ABCC2: variants seen among roughly 807,000 people sequenced by gnomAD.
ABCC2 encodes ATP-binding cassette sub-family C member 2.
ABCC2 carries 157 observed loss-of-function variants against 173.4 expected under a neutral mutation model. The ratio of observed to expected loss-of-function variants is 0.91; its 90% CI spans 0.80 to 1.03. ABCC2 has a LOEUF of 1.03. Ranked by LOEUF, ABCC2 falls within the 50% of genes least tolerant of loss-of-function variation. ABCC2 has a pLI of 0.00. For missense variants in ABCC2, 1,822 were observed against 1,852.3 expected (o/e 0.98, Z 0.30); for synonymous variants, 657 against 693.5 (o/e 0.95, Z 0.83).
rs764951584 is a variant in ABCC2 at position 99,793,945 on chromosome 10, C to T, written c.522C>T (p.Phe174=). The part of the protein sequence containing the change: ...YSCLFFISYG[F]QILILIFSAF... ...GCCTGTTCTTCATCTCCTACGGATT[C>T]CAGATCCTGATCCTGATCTTTTCAG... is the stretch of plus-strand genomic sequence containing the variant. Residue 174 remains phenylalanine, a synonymous_variant, in exon 5 of 32, where the codon TTC becomes TTT. Coordinates refer to ENST00000647814, the MANE Select transcript of ABCC2 (RefSeq NM_000392.5). 1 of 1,613,950 alleles carries T rather than the reference C, an allele frequency of 6.2e-7. No homozygotes were observed. The highest frequency in any genetic ancestry group is 8.5e-7 in the Non-Finnish European group (1 of 1,179,938).
intron 29 of ABCC2, among the ~76,000 whole-genome samples, chr10:99,846,062 C>T (rs113876133): frequency 2.2e-4 from 34 of 152,308 alleles, no homozygotes; most frequent in African/African-American, 6.7e-4. Flanking sequence ...TAGCCCATCA[C>T]GGTTTGCAAG....
At chr10:99,824,251 A>C (rs2038588776) in intron 19 of ABCC2, among the ~76,000 whole-genome samples, 1 of 151,592 alleles carries the variant, frequency 6.6e-6, no homozygotes, top group Admixed American at 6.6e-5. Flanking sequence ...AATTTTTGAA[A>C]ATAATTTAGT....
chr10:99,800,827 C>T (rs1250911617), intron 9 of ABCC2, among the ~76,000 whole-genome samples: 1 of 152,230 alleles, frequency 6.6e-6, no homozygotes, highest in Non-Finnish European at 1.5e-5. Context: ...ATCCACCTTG[C>T]AGCCCTGAAG....
chr10:99,805,258 T>A lies in ABCC2; in HGVS notation c.1465-124T>A, dbSNP rs552856375. Reference sequence around the variant, plus strand: ...AGTGGAGGGAGGTGAATCCCATCACTGGGCACCTCAAGTTCTTACTAAGTG... The same window carrying A: ...AGTGGAGGGAGGTGAATCCCATCACAGGGCACCTCAAGTTCTTACTAAGTG... On this transcript the variant is annotated intron_variant, in intron 10 of 31. Coordinates refer to ENST00000647814, the MANE Select transcript of ABCC2 (RefSeq NM_000392.5). The A allele has an allele frequency of 7.6e-5, 59 of 778,154 alleles. No homozygotes were observed. The South Asian group carries it at 7.9e-4, about 10-fold the overall frequency. The allele number at this position is 778,154 out of a possible 1,614,324, so 48.2% of individuals were successfully genotyped here.
intron 1 of ABCC2, 123 bp downstream of exon 1, chr10:99,783,000 C>G: frequency 1.1e-6 from 1 of 927,910 alleles, no homozygotes; most frequent in Non-Finnish European, 1.7e-6. Context: ...GTCTAAAGCT[C>G]AGGCTTTTTA....
chr10:99,819,205 A>G lies in ABCC2; in HGVS notation c.2556A>G (p.Lys852=). Residue 852 remains lysine (K), a synonymous_variant, in exon 19 of 32, where the codon AAA becomes AAG. Coordinates refer to ENST00000647814, the MANE Select transcript of ABCC2 (RefSeq NM_000392.5). Reference sequence around the variant, plus strand: ...CCTACAGTGCTCTCCTGGCCAAAAAAGGAGAGTTTGCTAAGAATCTGAAGA... The same window carrying G: ...CCTACAGTGCTCTCCTGGCCAAAAAGGGAGAGTTTGCTAAGAATCTGAAGA... ...KGSYSALLAK[K]GEFAKNLKTF... is the part of the protein sequence containing the mutation. 1 of 1,614,218 alleles carries G rather than the reference A, an allele frequency of 6.2e-7. No homozygotes were observed. Among genetic ancestry groups the G allele is most frequent in the Non-Finnish European group, 8.5e-7 (1 of 1,180,040 alleles).
chr10:99,825,197 T>C (rs1246848213), intron 19 of ABCC2, among the ~76,000 whole-genome samples: 2 of 151,852 alleles, frequency 1.3e-5, no homozygotes, highest in Non-Finnish European at 2.9e-5. Flanking sequence ...TTGTAATAAA[T>C]CTCGACCCCA....
At chr10:99,784,868 C>G in intron 2 of ABCC2, 87 bp downstream of exon 2, 1 of 1,517,064 alleles carries the variant, frequency 6.6e-7, no homozygotes, top group East Asian at 2.3e-5. Flanking sequence ...TCTTCCTTGT[C>G]TTTAAGCAGC....
At chr10:99,846,870 C>A in intron 29 of ABCC2, 91 bp from the exon 30 acceptor site, 2 of 1,530,198 alleles carry the variant, frequency 1.3e-6, no homozygotes, top group Non-Finnish European at 9.1e-7. Flanking sequence ...CCATCTCAGG[C>A]CAGTCCTATC....
intron 23 of ABCC2, among the ~76,000 whole-genome samples, chr10:99,832,455 C>G (rs2038757018): frequency 6.6e-6 from 1 of 152,066 alleles, no homozygotes; most frequent in South Asian, 2.1e-4. Flanking sequence ...AGGCACTAGC[C>G]CAGCCTGCGT....
At chr10:99,833,012 C>T (rs1429244170) in intron 23 of ABCC2, among the ~76,000 whole-genome samples, 1 of 152,198 alleles carries the variant, frequency 6.6e-6, no homozygotes, top group Non-Finnish European at 1.5e-5. Flanking sequence ...TAACTATCAC[C>T]AGCACAGTTT....
rs898185740 is a variant in ABCC2 at position 99,818,808 on chromosome 10, G to A, written c.2290G>A (p.Gly764Ser). 1 of 1,613,934 alleles carries A rather than the reference G, an allele frequency of 6.2e-7. No individual in the cohort carries two copies. The highest frequency in any genetic ancestry group is 1.3e-5 in the African/African-American group (1 of 74,884). ...TCTTCAGGGTATAAATCTTAGTGGG[G>A]GTCAGAAGCAGCGGATCAGCCTGGC... ...IGEKGINLSGGQKQRISLARA... is the reference protein window; with the variant it reads ...IGEKGINLSGSQKQRISLARA... Residue 764 changes from glycine to serine, a missense_variant, in exon 18 of 32, where the codon GGT becomes AGT. Coordinates refer to ENST00000647814, the MANE Select transcript of ABCC2 (RefSeq NM_000392.5).
intron 19 of ABCC2, among the ~76,000 whole-genome samples, chr10:99,829,189 A>G (rs2038695311): frequency 6.6e-6 from 1 of 152,048 alleles, no homozygotes. Context: ...TTCTCCAGGG[A>G]TGGGGTTTTT....
chr10:99,800,519 G>A lies in ABCC2; in HGVS notation c.1165G>A (p.Gly389Ser), dbSNP rs778867248. 3 of 1,614,106 alleles carry A rather than the reference G, an allele frequency of 1.9e-6. No homozygotes were observed. Among genetic ancestry groups the A allele is most frequent in the Middle Eastern group, 3.3e-4 (2 of 6,060 alleles). ...QCYFQLCFKLGVKVRTAIMAS... is the reference protein window; with the variant it reads ...QCYFQLCFKLSVKVRTAIMAS... ...TTATTTCCAACTGTGCTTCAAGCTG[G>A]GTGTAAAAGTACGGACAGCTATCAT... Residue 389 changes from glycine (G) to serine (S), a missense_variant, in exon 9 of 32, where the codon GGT becomes AGT. Gly to Ser is a moderately conservative substitution (Grantham distance 56). Transcript: ENST00000647814.
At chr10:99,840,601 G>A (rs1415437732) in intron 25 of ABCC2, among the ~76,000 whole-genome samples, 3 of 150,344 alleles carry the variant, frequency 2.0e-5, no homozygotes, top group Admixed American at 1.3e-4. Context: ...TGCCTCCCAG[G>A]TTGAAGCGAT....
rs775182704 is a variant in ABCC2 at position 99,804,223 on chromosome 10, C to T, written c.1414C>T (p.Leu472Phe). Residue 472 changes from leucine to phenylalanine, a missense_variant, in exon 10 of 32, where the codon CTT becomes TTT. By Grantham distance (22) the Leu-to-Phe change is conservative. Transcript: ENST00000647814. ...CTTAGCAGGTGTTGGGGTGATGGTG[C>T]TTGTAATCCCAATTAATGCGATACT... ...SVLAGVGVMV[L>F]VIPINAILST... 1.2e-6 allele frequency: 2 copies of T among 1,614,048 alleles called. No homozygotes were observed. The highest frequency in any genetic ancestry group is 2.2e-5 in the East Asian group (1 of 44,868).
chr10:99,828,624 C>T (rs952604099), intron 19 of ABCC2, among the ~76,000 whole-genome samples: 2 of 152,174 alleles, frequency 1.3e-5, no homozygotes, highest in Non-Finnish European at 2.9e-5. Context: ...TGAACTAATT[C>T]TGTTAAGTCT....
chr10:99,796,282 A>T (rs2037909769), intron 6 of ABCC2, among the ~76,000 whole-genome samples: 1 of 152,156 alleles, frequency 6.6e-6, no homozygotes, highest in East Asian at 1.9e-4. Context: ...AGGCAGGTGG[A>T]TCACCTGAGG....
intron 12 of ABCC2, 96 bp downstream of exon 12, chr10:99,807,617 C>G (rs375903087): frequency 6.4e-7 from 1 of 1,554,904 alleles, no homozygotes; most frequent in Non-Finnish European, 8.9e-7. Context: ...GCTGGCATCT[C>G]TAGGCCTGAC....
Sources: gnomAD v4.1 joint callset for allele counts (sites outside exome capture counted in the v4.1 genomes callset) on GRCh38, gnomAD v4.1.1 for gene constraint, MANE v1.5 for transcripts, NCBI Gene and HGNC (gene_info 2026-07-23, HGNC 2026-07-21) for gene names.